Variants in ATR observed in about 807,000 individuals in gnomAD.
ATR encodes ATR checkpoint kinase.
Under a neutral mutation model 305.3 loss-of-function variants are expected in ATR, and 142 were observed. The ratio of observed to expected loss-of-function variants is 0.47; its 90% CI spans 0.41 to 0.53. The LOEUF is 0.53. Among genes scored for constraint, ATR ranks in the 20% least tolerant of loss-of-function variants. The pLI, the probability that ATR is intolerant of heterozygous loss-of-function variation, is 0.00. For missense variants in ATR, 2,135 were observed against 3,133.1 expected, an observed-to-expected ratio of 0.68 and a Z score of 7.60; for synonymous variants, 1,050 against 1,068.1, an observed-to-expected ratio of 0.98 and a Z score of 0.33.
At chr3:142,450,843 A>AT in intron 46 of ATR, 1 of 1,360,654 alleles carries the variant, frequency 7.3e-7, no homozygotes, top group Non-Finnish European at 9.5e-7. Flanking sequence ...TTCAGTTGCC[A>AT]TTTCTGGAAG....
At position 142,478,510 on chromosome 3, in the gene ATR, C is replaced by A. The variant is rs534730893; in HGVS notation, c.6221+6630G>T. Reference sequence around the variant, plus strand: ...TTGCTGAGGAGTGCTTTACTTCCAACTATGTGGTCAGTTTTGGAATAGGTG... The same window carrying A: ...TTGCTGAGGAGTGCTTTACTTCCAAATATGTGGTCAGTTTTGGAATAGGTG... On this transcript the variant is annotated intron_variant, in intron 36 of 46. Transcript: ENST00000350721. Among the ~76,000 whole-genome samples the A allele has an allele frequency of 3.3e-5, 5 of 152,180 alleles. No homozygotes were observed. In the East Asian group the frequency reaches 9.7e-4, roughly 29 times the overall value.
chr3:142,476,304 C>G (rs62276427), intron 36 of ATR, among the ~76,000 whole-genome samples: 35,069 of 152,052 alleles, frequency 0.23, 5,102 homozygotes, highest in South Asian at 0.49. Flanking sequence ...TTTCAGCTTT[C>G]TACATACAGC....
chr3:142,504,858 G>A (rs1002804432), intron 29 of ATR, among the ~76,000 whole-genome samples: 13 of 152,164 alleles, frequency 8.5e-5, no homozygotes, highest in African/African-American at 2.9e-4. Flanking sequence ...CAGACACTCA[G>A]TGACACTGAC....
Position 142,485,295 on chromosome 3 carries a change from A to G in ATR, c.6079-13T>C. The G allele has an allele frequency of 6.2e-7, 1 of 1,613,932 alleles. No individual in the cohort carries two copies. Among genetic ancestry groups the G allele is most frequent in the Non-Finnish European group, 8.5e-7 (1 of 1,179,884 alleles). On this transcript the variant is annotated splice_polypyrimidine_tract_variant and intron_variant, in intron 35 of 46. Transcript: ENST00000350721. The stretch of plus-strand genomic sequence containing the variant: ...ACGCGGTCACATCCTATAAAAAAGA[A>G]CATAGGATACCTACCTAAGGAAATC...
intron 35 of ATR, among the ~76,000 whole-genome samples, chr3:142,491,161 AG>A (rs147439276): frequency 0.011 from 1,608 of 152,196 alleles, 20 homozygotes; most frequent in Middle Eastern, 0.02. Flanking sequence ...CTCAGTCTCT[AG>A]TACCCATTAA....
chr3:142,454,692 C>T (rs2070868052), intron 45 of ATR, among the ~76,000 whole-genome samples: 1 of 152,106 alleles, frequency 6.6e-6, no homozygotes, highest in Non-Finnish European at 1.5e-5. Context: ...CCGCCCGCCT[C>T]GGCCTCCCAA....
chr3:142,517,426 A>G (rs1269064624), intron 24 of ATR, among the ~76,000 whole-genome samples: 2 of 152,044 alleles, frequency 1.3e-5, no homozygotes, highest in African/African-American at 4.8e-5. Context: ...AAGAAATTCC[A>G]TATTTCCCTA....
At chr3:142,550,325 G>A in intron 13 of ATR, 23 bp from the exon 14 acceptor site, 1 of 1,611,360 alleles carries the variant, frequency 6.2e-7, no homozygotes, top group Non-Finnish European at 8.5e-7. Context: ...CCATTTTATT[G>A]TGAGTTTTCA....
At chr3:142,573,398 G>A (rs2035336089) in intron 1 of ATR, among the ~76,000 whole-genome samples, 1 of 143,098 alleles carries the variant, frequency 7.0e-6, no homozygotes, top group Non-Finnish European at 1.5e-5. Flanking sequence ...AGGTTGCAGT[G>A]AGCCAAGATC....
intron 24 of ATR, among the ~76,000 whole-genome samples, chr3:142,516,377 T>C (rs1313251934): frequency 2.0e-5 from 3 of 152,234 alleles, no homozygotes; most frequent in Non-Finnish European, 2.9e-5. Flanking sequence ...GCTACTGCAC[T>C]GATACAGGAA....
chr3:142,453,370 T>C (rs1327190877), intron 45 of ATR, 137 bp from the exon 46 acceptor site: 5 of 1,197,280 alleles, frequency 4.2e-6, no homozygotes, highest in South Asian at 1.5e-5. Flanking sequence ...CATTAAGTTA[T>C]GTGAAATTTC....
Position 142,520,220 on chromosome 3 carries a change from G to A in ATR, c.4267-436C>T, listed in dbSNP as rs374639640. Among the ~76,000 whole-genome samples the A allele has an allele frequency of 6.1e-4, 93 of 152,174 alleles. 1 individual carries two copies. The East Asian group carries it at 9.9e-3, about 16-fold the overall frequency. On this transcript the variant is annotated intron_variant, in intron 23 of 46. Transcript: ENST00000350721. Reference sequence around the variant, plus strand: ...AATGTGGTGTGTGTTCTGACCAGCCGTTCCATCCCCCTCACTCTCTTTGGG... The same window carrying A: ...AATGTGGTGTGTGTTCTGACCAGCCATTCCATCCCCCTCACTCTCTTTGGG...
chr3:142,484,374 T>C (rs987797751), intron 36 of ATR, among the ~76,000 whole-genome samples: 22 of 152,194 alleles, frequency 1.4e-4, no homozygotes, highest in African/African-American at 4.3e-4. Flanking sequence ...AGGACAGAGT[T>C]TGGAGAGCTT....
At position 142,505,266 on chromosome 3, in the gene ATR, G is replaced by T. The variant is rs868345955; in HGVS notation, c.5069C>A (p.Ala1690Asp). Residue 1690 changes from alanine (A) to aspartate (D), a missense_variant, in exon 29 of 47, where the codon GCC becomes GAC. Physicochemically the swap from Ala to Asp is moderately radical, Grantham distance 126 (BLOSUM62 -2). Around this residue, in one of 9 missense-constraint regions of ATR, gnomAD observed 45 missense variants for 80.4 expected, o/e 0.56. Transcript: ENST00000350721. ...YAAMHEPDGVAGVSAIRKAEP... is the reference protein window; with the variant it reads ...YAAMHEPDGVDGVSAIRKAEP... ...TGCCTTTCTAATTGCACTGACTCCG[G>T]CCACTCCATCAGGTTCATGCATAGC... is the stretch of plus-strand genomic sequence containing the variant. 2 of 1,613,960 alleles carry T rather than the reference G, an allele frequency of 1.2e-6. No homozygotes were observed. Among genetic ancestry groups the T allele is most frequent in the Non-Finnish European group, 1.7e-6 (2 of 1,179,964 alleles).
chr3:142,544,900 T>C (rs1577669990), intron 16 of ATR, among the ~76,000 whole-genome samples: 2 of 152,212 alleles, frequency 1.3e-5, no homozygotes, highest in African/African-American at 4.8e-5. Flanking sequence ...CATTTTGTTC[T>C]GCAAACTTCT....
At chr3:142,508,235 T>A in intron 27 of ATR, 126 bp from the exon 28 acceptor site, 5 of 789,136 alleles carry the variant, frequency 6.3e-6, no homozygotes, top group Non-Finnish European at 9.7e-6. Context: ...GATATCATAT[T>A]TAGAATGTAA....
At chr3:142,570,887 T>C (rs1404360314) in intron 1 of ATR, among the ~76,000 whole-genome samples, 1 of 152,004 alleles carries the variant, frequency 6.6e-6, no homozygotes, top group Admixed American at 6.6e-5. Context: ...AGAAGTAGAG[T>C]TGGTGATAAC....
rs1365949225 is a variant in ATR, at chr3:142,466,395, TACCC to T, written c.6822_6825del (p.Gly2275ProfsTer39). 6.2e-7 allele frequency: 1 copy of T among 1,614,010 alleles called. No homozygotes were observed. Among genetic ancestry groups the T allele is most frequent in the East Asian group, 2.2e-5 (1 of 44,838 alleles). ...TCATGGCTAGCATGGTTAGCATGGGTACCCAGAATTGATGGAAGTGTAGGTATCA... is the reference window on the plus strand; with the variant it reads ...TCATGGCTAGCATGGTTAGCATGGGTAGAATTGATGGAAGTGTAGGTATCA... On this transcript the variant is annotated frameshift_variant, in exon 40 of 47. Transcript: ENST00000350721. LOFTEE classifies it high-confidence loss of function.
In ATR at chr3:142,477,168, A is replaced by G. The variant is rs535614528; in HGVS notation, c.6222-6985T>C. On this transcript the variant is annotated intron_variant, in intron 36 of 46. Coordinates refer to ENST00000350721, the MANE Select transcript of ATR (RefSeq NM_001184.4). ...TGGTGAGAGAGGGCATCCCTGTCTT[A>G]TGCCAGTTTTCAAAAGGAATGCTTC... Among the ~76,000 whole-genome samples, 38 of 152,088 alleles carry G rather than the reference A, an allele frequency of 2.5e-4. 3 individuals carry two copies. The highest frequency in any genetic ancestry group is 2.2e-3 in the Admixed American group (33 of 15,268).
Sources: gnomAD v4.1 joint callset for allele counts (sites outside exome capture counted in the v4.1 genomes callset) on GRCh38, gnomAD v4.1.1 for gene constraint, gnomAD v4.1.1 regional missense constraint, MANE v1.5 for transcripts, NCBI Gene and HGNC (gene_info 2026-07-23, HGNC 2026-07-21) for gene names.